Variants in ANO2 observed in about 807,000 individuals in gnomAD.
ANO2 encodes anoctamin-2.
ANO2 carries 101 observed loss-of-function variants against 124.2 expected under a neutral mutation model. The observed-to-expected ratio is 0.81, with a 90% confidence interval of 0.69 to 0.96. The LOEUF is 0.96. Ranked by LOEUF, ANO2 falls within the 40% of genes least tolerant of loss-of-function variation. The pLI, the probability that ANO2 is intolerant of heterozygous loss-of-function variation, is 0.00. For synonymous variants in ANO2, 486 were observed against 482.5 expected (o/e 1.01, Z -0.09); for missense variants, 1,293 against 1,274.5 (o/e 1.01, Z -0.22).
At chr12:5,763,630 A>C (rs563625255) in intron 10 of ANO2, among the ~76,000 whole-genome samples, 6 of 152,168 alleles carry the variant, frequency 3.9e-5, no homozygotes, top group South Asian at 2.1e-4. Flanking sequence ...TCACAAAGAA[A>C]ATCAGAAAAT....
chr12:5,820,374 T>C (rs1953750455), intron 7 of ANO2, among the ~76,000 whole-genome samples: 1 of 152,198 alleles, frequency 6.6e-6, no homozygotes, highest in African/African-American at 2.4e-5. Context: ...AACGTCATTG[T>C]GATCCTCAAG....
At chr12:5,660,810 T>G (rs1242824911) in intron 14 of ANO2, among the ~76,000 whole-genome samples, 1 of 152,190 alleles carries the variant, frequency 6.6e-6, no homozygotes, top group Non-Finnish European at 1.5e-5. Flanking sequence ...ATTTTGGTGG[T>G]GCTCCATGCT....
intron 14 of ANO2, among the ~76,000 whole-genome samples, chr12:5,666,749 G>A (rs1473006107): frequency 2.0e-5 from 3 of 152,078 alleles, no homozygotes; most frequent in Admixed American, 6.5e-5. Flanking sequence ...ACCAAAGAGC[G>A]CCTTTGCAGC....
At position 5,575,928 on chromosome 12, in the gene ANO2, C is replaced by T; in HGVS notation, c.2527G>A (p.Val843Ile). ...YSHNGTLHGF[V>I]NHTLSFFNVS... is the part of the protein sequence containing the mutation. ...TTGAAAAAGGAGAGGGTGTGGTTGA[C>T]AAAGCCGTGCAGAGTCCCATTGTGA... The change falls in exon 23 of 25, where the codon GTC becomes ATC. Residue 843 changes from valine (V) to isoleucine (I), a missense_variant. Physicochemically the swap from Val to Ile is conservative, Grantham distance 29 (BLOSUM62 3). Transcript: ENST00000682330. 1.2e-6 allele frequency: 2 copies of T among 1,613,576 alleles called. No homozygotes were observed. The highest frequency in any genetic ancestry group is 1.7e-6 in the Non-Finnish European group (2 of 1,179,774).
At chr12:5,812,251 G>A (rs1040339248) in intron 7 of ANO2, among the ~76,000 whole-genome samples, 18 of 141,178 alleles carry the variant, frequency 1.3e-4, no homozygotes, top group South Asian at 2.5e-4. Flanking sequence ...GGGGAAGAGA[G>A]GGGAAAGGAG....
chr12:5,854,142 C>T lies in ANO2; in HGVS notation c.535-1G>A. 6.2e-7 allele frequency: 1 copy of T among 1,612,502 alleles called. No homozygotes were observed. The highest frequency in any genetic ancestry group is 8.5e-7 in the Non-Finnish European group (1 of 1,178,904). Reference sequence around the variant, plus strand: ...CAAAGATGGATCCCTGGCTTTTATTCTGCAAGGTACAAAGAAAGAACAAAT... The same window carrying T: ...CAAAGATGGATCCCTGGCTTTTATTTTGCAAGGTACAAAGAAAGAACAAAT... On this transcript the variant is annotated splice_acceptor_variant, in intron 3 of 24. Coordinates refer to ENST00000682330, the MANE Select transcript of ANO2 (RefSeq NM_001364791.2). LOFTEE classifies it high-confidence loss of function.
At chr12:5,813,970 C>T (rs1177487298) in intron 7 of ANO2, among the ~76,000 whole-genome samples, 1 of 152,198 alleles carries the variant, frequency 6.6e-6, no homozygotes, top group East Asian at 1.9e-4. Flanking sequence ...CCCACTTCTC[C>T]AGCCTTGCCA....
At chr12:5,822,192 A>G (rs1267253098) in intron 7 of ANO2, among the ~76,000 whole-genome samples, 1 of 152,200 alleles carries the variant, frequency 6.6e-6, no homozygotes. Context: ...ATGTGCAATT[A>G]TATACTGATT....
chr12:5,922,500 G>C (rs1326812921), intron 2 of ANO2, 120 bp downstream of exon 2: 4 of 1,148,322 alleles, frequency 3.5e-6, no homozygotes, highest in Non-Finnish European at 4.7e-6. Context: ...CCCAAACCTA[G>C]GTCTCTCTCT....
chr12:5,778,398 A>G (rs527547720), intron 10 of ANO2, among the ~76,000 whole-genome samples: 1 of 152,306 alleles, frequency 6.6e-6, no homozygotes, highest in East Asian at 1.9e-4. Context: ...GGTTCTTTGT[A>G]CCATCCTGCA....
intron 1 of ANO2, among the ~76,000 whole-genome samples, chr12:5,939,521 G>A (rs1358634827): frequency 6.6e-6 from 1 of 152,192 alleles, no homozygotes; most frequent in Non-Finnish European, 1.5e-5. Context: ...AATCTGTTAG[G>A]TTGGTGGAAA....
At chr12:5,804,821 G>T (rs1953142312) in intron 9 of ANO2, among the ~76,000 whole-genome samples, 1 of 152,208 alleles carries the variant, frequency 6.6e-6, no homozygotes, top group Middle Eastern at 3.4e-3. Context: ...CCTATGACTT[G>T]CTGTGTGTTC....
chr12:5,923,372 T>C (rs905421143), intron 1 of ANO2, among the ~76,000 whole-genome samples: 1 of 152,176 alleles, frequency 6.6e-6, no homozygotes, highest in South Asian at 2.1e-4. Context: ...GGGGTGGCAT[T>C]GAGCAAGTCA....
chr12:5,867,774 T>C (rs1591717130), intron 3 of ANO2, among the ~76,000 whole-genome samples: 2 of 47,698 alleles, frequency 4.2e-5, no homozygotes, highest in South Asian at 9.7e-4. Context: ...CCTAGCACTA[T>C]AATGAAAAAA....
At chr12:5,634,105 G>A (rs1321618433) in intron 16 of ANO2, among the ~76,000 whole-genome samples, 16 of 152,176 alleles carry the variant, frequency 1.1e-4, no homozygotes, top group Non-Finnish European at 2.9e-5. Context: ...TGCTTATGAA[G>A]AAACACAGAT....
chr12:5,796,769 G>A (rs1341990154), intron 10 of ANO2, among the ~76,000 whole-genome samples: 1 of 152,210 alleles, frequency 6.6e-6, no homozygotes, highest in Non-Finnish European at 1.5e-5. Flanking sequence ...CAACATCCAG[G>A]AACGGTGTCT....
intron 3 of ANO2, among the ~76,000 whole-genome samples, chr12:5,858,136 A>G (rs926548396): frequency 5.9e-5 from 9 of 152,222 alleles, no homozygotes; most frequent in Non-Finnish European, 1.2e-4. Flanking sequence ...TAGGATTAAT[A>G]TAATTTATTG....
intron 3 of ANO2, among the ~76,000 whole-genome samples, chr12:5,906,347 TAAAAAAAA>T (rs751453765): frequency 1.5e-4 from 20 of 132,734 alleles, no homozygotes; most frequent in Non-Finnish European, 2.8e-4. Flanking sequence ...CACACATTGT[TAAAAAAAA>T]AAAAAAAAGA....
intron 4 of ANO2, among the ~76,000 whole-genome samples, chr12:5,847,290 C>T (rs1954712738): frequency 6.6e-6 from 1 of 152,202 alleles, no homozygotes; most frequent in Non-Finnish European, 1.5e-5. Flanking sequence ...GGTCTTGAGG[C>T]TGCTGGAGCT....
Sources: gnomAD v4.1 joint callset for allele counts (sites outside exome capture counted in the v4.1 genomes callset) on GRCh38, gnomAD v4.1.1 for gene constraint, MANE v1.5 for transcripts, NCBI Gene and HGNC (gene_info 2026-07-23, HGNC 2026-07-21) for gene names.